The following MYO18A variants were observed in gnomAD, a reference collection of about 807,000 sequenced individuals.
MYO18A encodes unconventional myosin-XVIIIa.
In MYO18A, 78 loss-of-function variants were observed where a neutral mutation model predicts 235.8. The observed-to-expected ratio is 0.33, with a 90% CI of 0.28 to 0.40. MYO18A has a LOEUF of 0.40. Among genes scored for constraint, MYO18A ranks in the 10% least tolerant of loss-of-function variants. The pLI, the probability that MYO18A is intolerant of heterozygous loss-of-function variation, is 1.00. For missense variants in MYO18A, 2,215 were observed against 2,699.3 expected (o/e 0.82, Z 3.98); for synonymous variants, 977 against 1,077.8 (o/e 0.91, Z 1.83).
At chr17:29,124,798 G>T in intron 2 of MYO18A, 1 of 912,552 alleles carries the variant, frequency 1.1e-6, no homozygotes, top group Non-Finnish European at 1.5e-6. Context: ...GCACTCTCTA[G>T]TTGTCCAAGG....
At chr17:29,091,979 G>A in intron 34 of MYO18A, 2 of 338,254 alleles carry the variant, frequency 5.9e-6, no homozygotes, top group South Asian at 5.4e-5. Flanking sequence ...AGGAAGCCAA[G>A]CCATCCTGTC....
chr17:29,173,823 G>A (rs2068463016), intron 1 of MYO18A, among the ~76,000 whole-genome samples: 1 of 152,204 alleles, frequency 6.6e-6, no homozygotes, highest in East Asian at 1.9e-4. Context: ...CCAGGCTGGA[G>A]TTTGGTGGCT....
intron 40 of MYO18A, among the ~76,000 whole-genome samples, chr17:29,084,459 C>T (rs1424945014): frequency 6.6e-6 from 1 of 152,192 alleles, no homozygotes; most frequent in African/African-American, 2.4e-5. Context: ...CTTAAATAAT[C>T]AGGCCCGTAA....
At position 29,099,722 on chromosome 17, in the gene MYO18A, T is replaced by C; in HGVS notation, c.3548A>G (p.Gln1183Arg). Reference sequence around the variant, plus strand: ...GTTCCTGCTGGTTTGTTCATCCCGCTGCTCCTCCAGCCGTGCCAAGGTGCC... The same window carrying C: ...GTTCCTGCTGGTTTGTTCATCCCGCCGCTCCTCCAGCCGTGCCAAGGTGCC... ...RAGTLARLEE[Q>R]RDEQTSRNLT... The change falls in exon 22 of 42, where the codon CAG (glutamine) becomes CGG (arginine). Residue 1183 changes from glutamine (Q) to arginine (R), a missense_variant. By Grantham distance (43) the Gln-to-Arg change is conservative. Transcript: ENST00000527372. The C allele has an allele frequency of 6.2e-7, 1 of 1,613,540 alleles. No individual in the cohort carries two copies. The highest frequency in any genetic ancestry group is 8.5e-7 in the Non-Finnish European group (1 of 1,179,862).
chr17:29,140,700 A>T lies in MYO18A; in HGVS notation c.1000-18447T>A, dbSNP rs2067718893. ...CCAGCTCCGGGACAGCTGGGCTGAT[A>T]TGGCTCCTAAAAATAGCAGAGGAAT... On this transcript the variant is annotated intron_variant, in intron 2 of 41. Transcript: ENST00000527372. This position sits in a 1 kb window ranked among gnomAD's most constrained non-coding sequence, Gnocchi z 4.2. Among the ~76,000 whole-genome samples the T allele has an allele frequency of 6.6e-6, 1 of 152,030 alleles. No individual in the cohort carries two copies. Among genetic ancestry groups the T allele is most frequent in the African/African-American group, 2.4e-5 (1 of 41,380 alleles).
At chr17:29,097,402 A>G (rs2066545536) in intron 26 of MYO18A, 52 bp from the exon 27 acceptor site, 3 of 1,593,130 alleles carry the variant, frequency 1.9e-6, no homozygotes, top group Non-Finnish European at 2.6e-6. Context: ...AGTCCCCAGA[A>G]GGGGCAGAGG....
At chr17:29,084,480 G>GGGGC (rs2066201659) in intron 40 of MYO18A, among the ~76,000 whole-genome samples, 1 of 152,136 alleles carries the variant, frequency 6.6e-6, no homozygotes, top group Admixed American at 6.5e-5. Context: ...ACAAACTCCA[G>GGGGC]GGGCAGGCAG....
At chr17:29,108,522 T>G (rs889797552) in intron 19 of MYO18A, among the ~76,000 whole-genome samples, 1 of 152,214 alleles carries the variant, frequency 6.6e-6, no homozygotes, top group Non-Finnish European at 1.5e-5. Context: ...GGAGCGACTG[T>G]CTTGCTCAAG....
At chr17:29,145,342 C>T (rs2067825326) in intron 2 of MYO18A, among the ~76,000 whole-genome samples, 1 of 152,220 alleles carries the variant, frequency 6.6e-6, no homozygotes, top group Non-Finnish European at 1.5e-5. Flanking sequence ...ACTTCAACTG[C>T]TCTGCTCTCC....
chr17:29,121,749 TATTAGAGCAGCAGAGCCC>T lies in MYO18A; in HGVS notation c.1195-44_1195-27del. On this transcript the variant is annotated intron_variant, in intron 4 of 41. Coordinates refer to ENST00000527372, the MANE Select transcript of MYO18A (RefSeq NM_078471.4). The surrounding 1 kb of genome is among the most constrained non-coding windows in gnomAD (Gnocchi z 4.2). ...CTGTGTGGGAGGACAGGCGGGTGGG[TATTAGAGCAGCAGAGCCC>T]ATCTCCGCTGCCAGAGGATGGGCCT... 1.3e-6 allele frequency: 2 copies of T among 1,560,948 alleles called. No homozygotes were observed. The highest frequency in any genetic ancestry group is 1.7e-6 in the Non-Finnish European group (2 of 1,152,264).
At chr17:29,104,243 G>A (rs1418820054) in intron 20 of MYO18A, among the ~76,000 whole-genome samples, 1 of 152,172 alleles carries the variant, frequency 6.6e-6, no homozygotes, top group Non-Finnish European at 1.5e-5. Flanking sequence ...GTAGATGGAT[G>A]GAGACCCACC....
At chr17:29,147,990 G>A (rs1050711082) in intron 2 of MYO18A, among the ~76,000 whole-genome samples, 6 of 151,952 alleles carry the variant, frequency 3.9e-5, no homozygotes, top group African/African-American at 1.2e-4. Context: ...GGAAGAGAGG[G>A]TGACTCAAGA....
intron 1 of MYO18A, among the ~76,000 whole-genome samples, chr17:29,172,195 C>T (rs752864687): frequency 1.3e-5 from 2 of 151,982 alleles, no homozygotes; most frequent in Non-Finnish European, 2.9e-5. Context: ...TAAACAGGGC[C>T]GGGCGCAATG....
At position 29,087,226 on chromosome 17, in the gene MYO18A, G is replaced by A. The variant is rs554785945; in HGVS notation, c.5527-105C>T. 122 of 1,202,046 alleles carry A rather than the reference G, an allele frequency of 1.0e-4. No homozygotes were observed. The African/African-American group carries it at 1.7e-3, about 17-fold the overall frequency. The allele number at this position is 1,202,046 out of a possible 1,614,324, so 74.5% of individuals were successfully genotyped here. On this transcript the variant is annotated intron_variant, in intron 37 of 41. Transcript: ENST00000527372. The stretch of plus-strand genomic sequence containing the variant: ...GTGAGGAGGCCTGGGGTCGAGCTCT[G>A]GCTCCACCGTTCATTGGCTACCTGG...
intron 2 of MYO18A, 83 bp from the exon 3 acceptor site, chr17:29,122,336 C>T: frequency 4.5e-6 from 6 of 1,322,386 alleles, no homozygotes; most frequent in Admixed American, 2.0e-5. Context: ...CAAGTGAGGG[C>T]ATGGGCTTTG....
At chr17:29,119,722 C>T (rs889108209) in intron 7 of MYO18A, among the ~76,000 whole-genome samples, 3 of 151,906 alleles carry the variant, frequency 2.0e-5, no homozygotes, top group African/African-American at 7.3e-5. Context: ...CACCACCATA[C>T]CCGGCTGATT....
At chr17:29,080,957 C>G in intron 41 of MYO18A, 1 of 985,492 alleles carries the variant, frequency 1.0e-6, no homozygotes, top group Non-Finnish European at 1.2e-6. Context: ...GAGCTCACCA[C>G]CGAGGACGGC....
chr17:29,092,943 T>C lies in MYO18A; in HGVS notation c.4985A>G (p.Lys1662Arg). Residue 1662 changes from lysine to arginine, a missense_variant, in exon 33 of 42, where the codon AAG (lysine) becomes AGG (arginine). Coordinates refer to ENST00000527372, the MANE Select transcript of MYO18A (RefSeq NM_078471.4). ...KRLRKDLKRT[K>R]ALLADAQLML... The stretch of plus-strand genomic sequence containing the variant: ...GAGCTGGGCATCTGCCAGCAGGGCC[T>C]TGGTGCGCTTCAGGTCCTTCCGCAG... 1 of 1,613,896 alleles carries C rather than the reference T, an allele frequency of 6.2e-7. No homozygotes were observed. The highest frequency in any genetic ancestry group is 8.5e-7 in the Non-Finnish European group (1 of 1,179,846).
At position 29,073,683 on chromosome 17, in the gene MYO18A, T is replaced by G; in HGVS notation, c.*1087A>C. On this transcript the variant is annotated 3_prime_UTR_variant, in exon 42 of 42. Coordinates refer to ENST00000527372, the MANE Select transcript of MYO18A (RefSeq NM_078471.4). ...CTGGTGGAGTTCTCAGGGATAACCT[T>G]TTTAGGGTGGGGGCTGGGACCTCCA... is the stretch of plus-strand genomic sequence containing the variant. The G allele has an allele frequency of 4.2e-6, 3 of 714,226 alleles. No individual in the cohort carries two copies. Among genetic ancestry groups the G allele is most frequent in the African/African-American group, 1.8e-5 (1 of 56,434 alleles). The allele number at this position is 714,226 out of a possible 1,614,324, so 44.2% of individuals were successfully genotyped here. A position where few individuals can be genotyped will look rare whatever the true frequency, so the allele number is the denominator to read the frequency against.
Sources: allele counts gnomAD v4.1 joint callset (sites outside exome capture counted in the v4.1 genomes callset), GRCh38; gene constraint gnomAD v4.1.1; non-coding constraint Gnocchi (gnomAD v3.1); transcripts MANE v1.5; gene names NCBI Gene and HGNC (gene_info 2026-07-23, HGNC 2026-07-21).